The following C1orf21 variants were observed in gnomAD, a reference collection of about 807,000 sequenced individuals.
The protein encoded by C1orf21 is chromosome 1 open reading frame 21, also known as uncharacterized protein C1orf21.
In C1orf21, 3 loss-of-function variants were observed where a neutral mutation model predicts 18.7. The ratio of observed to expected loss-of-function variants is 0.16; its 90% CI spans 0.07 to 0.42. The LOEUF is 0.42. Ranked by LOEUF, C1orf21 falls within the 10% of genes least tolerant of loss-of-function variation. The pLI, the probability that C1orf21 is intolerant of heterozygous loss-of-function variation, is 0.99. For synonymous variants in C1orf21, 41 were observed against 46.4 expected (o/e 0.88, Z 0.47); for missense variants, 104 against 143.6 (o/e 0.72, Z 1.41).
intron 3 of C1orf21, among the ~76,000 whole-genome samples, chr1:184,572,041 C>A (rs1659120356): frequency 6.6e-6 from 1 of 152,134 alleles, no homozygotes; most frequent in Non-Finnish European, 1.5e-5. Flanking sequence ...AGGACTTGTG[C>A]CTGGCATTTC....
intron 1 of C1orf21, among the ~76,000 whole-genome samples, chr1:184,462,248 A>G (rs1657317255): frequency 6.6e-6 from 1 of 152,190 alleles, no homozygotes; most frequent in African/African-American, 2.4e-5. Flanking sequence ...TATGTTCGGT[A>G]TTAGTTGTTA....
At chr1:184,509,722 A>G (rs1658116876) in intron 3 of C1orf21, among the ~76,000 whole-genome samples, 1 of 152,174 alleles carries the variant, frequency 6.6e-6, no homozygotes, top group Non-Finnish European at 1.5e-5. Flanking sequence ...CACTCTTTAA[A>G]ATAAGTATCG....
chr1:184,519,585 C>T lies in C1orf21; in HGVS notation c.189+11903C>T, dbSNP rs1557992515. The stretch of plus-strand genomic sequence containing the variant: ...GAGGGCCACCTTTAAGGCTGGGCCA[C>T]TGTTACTAGAGTACCCAGAACAATA... On this transcript the variant is annotated intron_variant, in intron 3 of 5. Coordinates refer to ENST00000235307, the MANE Select transcript of C1orf21 (RefSeq NM_030806.4). Among the ~76,000 whole-genome samples, 6 of 152,294 alleles carry T rather than the reference C, an allele frequency of 3.9e-5. No individual in the cohort carries two copies. In the South Asian group the frequency reaches 1.0e-3, roughly 26 times the overall value.
intron 5 of C1orf21, 45 bp downstream of exon 5, chr1:184,598,506 G>A: frequency 1.3e-6 from 2 of 1,539,150 alleles, no homozygotes; most frequent in Non-Finnish European, 1.8e-6. Flanking sequence ...GGGAAGTATA[G>A]TAATGGCTTC....
intron 2 of C1orf21, among the ~76,000 whole-genome samples, chr1:184,500,662 C>A (rs867801816): frequency 2.6e-5 from 4 of 152,184 alleles, no homozygotes; most frequent in Non-Finnish European, 4.4e-5. Flanking sequence ...AGAGAAAGGT[C>A]TTTTGAAGCC....
chr1:184,522,089 CAG>C (rs1344826789), intron 3 of C1orf21, among the ~76,000 whole-genome samples: 2 of 152,062 alleles, frequency 1.3e-5, no homozygotes, highest in African/African-American at 4.8e-5. Context: ...AGATATTTAA[CAG>C]GGGATGGCTA....
intron 3 of C1orf21, among the ~76,000 whole-genome samples, chr1:184,588,760 A>C (rs566204000): frequency 6.6e-6 from 1 of 152,348 alleles, no homozygotes; most frequent in East Asian, 1.9e-4. Context: ...TCTTGGTGAG[A>C]GAAAATTTGT....
At chr1:184,602,572 A>G (rs1188077687) in intron 5 of C1orf21, among the ~76,000 whole-genome samples, 3 of 152,192 alleles carry the variant, frequency 2.0e-5, no homozygotes, top group Non-Finnish European at 4.4e-5. Flanking sequence ...CAGCTTTAAG[A>G]AAATGACAGT....
At chr1:184,491,972 G>C (rs1657822743) in intron 2 of C1orf21, among the ~76,000 whole-genome samples, 1 of 152,226 alleles carries the variant, frequency 6.6e-6, no homozygotes, top group African/African-American at 2.4e-5. Context: ...GCATGATGCA[G>C]AGTTTGACAA....
rs768064233 is a variant in C1orf21 at position 184,623,758 on chromosome 1, C to A, written c.*4202C>A. On this transcript the variant is annotated 3_prime_UTR_variant, in exon 6 of 6. Coordinates refer to ENST00000235307, the MANE Select transcript of C1orf21 (RefSeq NM_030806.4). ...TATTTTTCCAAGGGGGGAATAGTAT[C>A]CTTGACTTTGGCAGTCACCTTTTTG... 1 of 152,608 alleles carries A rather than the reference C, an allele frequency of 6.6e-6. No homozygotes were observed. The highest frequency in any genetic ancestry group is 1.5e-5 in the Non-Finnish European group (1 of 68,032). The allele number at this position is 152,608 out of a possible 1,614,324, so 9.5% of individuals were successfully genotyped here. A position where few individuals can be genotyped will look rare whatever the true frequency, so the allele number is the denominator to read the frequency against.
intron 2 of C1orf21, among the ~76,000 whole-genome samples, chr1:184,491,273 A>G (rs1657812954): frequency 6.6e-6 from 1 of 152,148 alleles, no homozygotes; most frequent in Non-Finnish European, 1.5e-5. Context: ...AACTTCATTC[A>G]GAAAAAGCAA....
At chr1:184,517,364 G>A (rs1005272168) in intron 3 of C1orf21, among the ~76,000 whole-genome samples, 3 of 152,060 alleles carry the variant, frequency 2.0e-5, no homozygotes, top group African/African-American at 2.4e-5. Context: ...CTGTGTAAAG[G>A]TTGTTCCTGA....
intron 2 of C1orf21, among the ~76,000 whole-genome samples, chr1:184,501,273 C>A (rs1227926503): frequency 6.6e-6 from 1 of 152,132 alleles, no homozygotes. Flanking sequence ...CTTGTTACAC[C>A]TGTCTTACCT....
chr1:184,493,023 CAAG>C (rs1657837332), intron 2 of C1orf21, among the ~76,000 whole-genome samples: 1 of 152,064 alleles, frequency 6.6e-6, no homozygotes, highest in Non-Finnish European at 1.5e-5. Context: ...TATAATAGGG[CAAG>C]AAGAAGTAAA....
rs528999039 is a variant in C1orf21, at chr1:184,558,942, C to T, written c.190-31797C>T. Among the ~76,000 whole-genome samples the T allele has an allele frequency of 9.8e-4, 149 of 152,294 alleles. 1 individual carries two copies. Among genetic ancestry groups the T allele is most frequent in the Non-Finnish European group, 5.7e-4 (39 of 68,020 alleles). ...TAGAAGAAAGCAGATAGACCTGAGT[C>T]AGACTGACAAGGTATGAGTCCAGAA... On this transcript the variant is annotated intron_variant, in intron 3 of 5. Coordinates refer to ENST00000235307, the MANE Select transcript of C1orf21 (RefSeq NM_030806.4).
At chr1:184,425,822 C>T (rs12145326) in intron 1 of C1orf21, among the ~76,000 whole-genome samples, 19,585 of 152,184 alleles carry the variant, frequency 0.13, 2,572 homozygotes, top group African/African-American at 0.34. Flanking sequence ...GTTTACAGCA[C>T]TGATATAGAC....
chr1:184,546,366 C>T (rs1453433069), intron 3 of C1orf21, among the ~76,000 whole-genome samples: 1 of 152,170 alleles, frequency 6.6e-6, no homozygotes, highest in African/African-American at 2.4e-5. Flanking sequence ...ACCCAGGAGG[C>T]AGAGGCTGCA....
intron 5 of C1orf21, among the ~76,000 whole-genome samples, chr1:184,599,872 A>G (rs1180710158): frequency 6.6e-6 from 1 of 152,264 alleles, no homozygotes; most frequent in African/African-American, 2.4e-5. Context: ...TTGTTCAACC[A>G]GTAAGTATAT....
At chr1:184,618,580 T>G (rs937636540) in intron 5 of C1orf21, among the ~76,000 whole-genome samples, 2 of 152,220 alleles carry the variant, frequency 1.3e-5, no homozygotes, top group Non-Finnish European at 2.9e-5. Context: ...AAAATTATTA[T>G]TAGTATCGTT....
Sources: gnomAD v4.1 joint callset for allele counts (sites outside exome capture counted in the v4.1 genomes callset) on GRCh38, gnomAD v4.1.1 for gene constraint, MANE v1.5 for transcripts, NCBI Gene and HGNC (gene_info 2026-07-23, HGNC 2026-07-21) for gene names.